Variants in NFAM1 observed in about 807,000 individuals in gnomAD.
NFAM1 encodes the protein NFAT activating protein with ITAM motif 1.
NFAM1 carries 17 observed loss-of-function variants against 29.0 expected under a neutral mutation model. The ratio of observed to expected loss-of-function variants is 0.59; its 90% CI spans 0.40 to 0.88. The LOEUF (loss-of-function observed/expected upper bound fraction) is 0.88, where lower values mean the gene tolerates loss of function less well. NFAM1 is among the 40% of genes least tolerant of loss of function. The probability of loss-of-function intolerance (pLI) is 0.00; values close to 1 mark genes in which losing one functional copy is unlikely to be tolerated. For missense variants in NFAM1, 324 were observed against 344.6 expected (o/e 0.94, Z 0.47); for synonymous variants, 175 against 147.2 (o/e 1.19, Z -1.36).
At chr22:42,400,151 C>T (rs1929678558) in intron 3 of NFAM1, among the ~76,000 whole-genome samples, 1 of 152,220 alleles carries the variant, frequency 6.6e-6, no homozygotes, top group Admixed American at 6.5e-5. Flanking sequence ...ATTGACGAGA[C>T]AGGAGCTGGA....
intron 1 of NFAM1, among the ~76,000 whole-genome samples, chr22:42,418,684 C>T (rs1212321296): frequency 6.6e-6 from 1 of 151,750 alleles, no homozygotes; most frequent in African/African-American, 2.4e-5. Flanking sequence ...CAAGAGCTAT[C>T]TCTGTTTTTT....
At chr22:42,389,696 GGGGCT>G (rs1929270768) in intron 4 of NFAM1, among the ~76,000 whole-genome samples, 1 of 150,764 alleles carries the variant, frequency 6.6e-6, no homozygotes, top group African/African-American at 2.4e-5. Flanking sequence ...GGCTGGGCTG[GGGGCT>G]GGGCTGGGCT....
intron 1 of NFAM1, among the ~76,000 whole-genome samples, chr22:42,429,706 C>T (rs906140390): frequency 3.3e-5 from 5 of 152,226 alleles, no homozygotes; most frequent in Admixed American, 2.6e-4. Flanking sequence ...TTCAGGGATA[C>T]GATGCAGAAT....
chr22:42,412,647 G>A (rs1395458546), intron 1 of NFAM1, among the ~76,000 whole-genome samples: 6 of 152,212 alleles, frequency 3.9e-5, no homozygotes, highest in African/African-American at 9.6e-5. Flanking sequence ...AAACCCAAGC[G>A]TTTCCTGGCG....
At chr22:42,417,293 G>C (rs1930292208) in intron 1 of NFAM1, among the ~76,000 whole-genome samples, 1 of 152,170 alleles carries the variant, frequency 6.6e-6, no homozygotes, top group African/African-American at 2.4e-5. Flanking sequence ...ATAGAACTTT[G>C]ACTTAGAGTG....
At chr22:42,418,149 C>T (rs552789405) in intron 1 of NFAM1, among the ~76,000 whole-genome samples, 1 of 152,314 alleles carries the variant, frequency 6.6e-6, no homozygotes, top group African/African-American at 2.4e-5. Context: ...TGGGAAAAGC[C>T]CAGGTTCTGG....
intron 3 of NFAM1, among the ~76,000 whole-genome samples, chr22:42,399,682 G>C (rs2147099144): frequency 6.6e-6 from 1 of 152,238 alleles, no homozygotes; most frequent in African/African-American, 2.4e-5. Flanking sequence ...GAAGGTGAAG[G>C]CTGGGGAGTC....
At chr22:42,406,166 C>A (rs1929890581) in intron 3 of NFAM1, among the ~76,000 whole-genome samples, 1 of 152,052 alleles carries the variant, frequency 6.6e-6, no homozygotes, top group South Asian at 2.1e-4. Context: ...GATCCAAATA[C>A]CCCCCGGCTC....
Position 42,409,535 on chromosome 22 carries a change from C to T in NFAM1, c.464G>A (p.Arg155Gln), listed in dbSNP as rs1314806415. 5 of 1,519,410 alleles carry T rather than the reference C, an allele frequency of 3.3e-6. No homozygotes were observed. The highest frequency in any genetic ancestry group is 4.4e-6 in the Non-Finnish European group (5 of 1,131,820). 94.1% of individuals were successfully genotyped at this position (1,519,410 alleles called of 1,614,324 possible). ...TFILVRDAGY[R>Q]EPPQSPQKLL... The stretch of plus-strand genomic sequence containing the variant: ...CTTCTGTGGACTCTGCGGGGGCTCT[C>T]GGTACCCTGCGTCTAGGAGGAAGCG... Residue 155 changes from arginine to glutamine, a missense_variant, in exon 3 of 6, where the codon CGA becomes CAA. By Grantham distance (43) the Arg-to-Gln change is conservative. Transcript: ENST00000329021. The surrounding 1 kb of genome is among the most constrained non-coding windows in gnomAD (Gnocchi z 4.9).
intron 1 of NFAM1, among the ~76,000 whole-genome samples, chr22:42,430,294 T>G (rs112348778): frequency 0.17 from 25,986 of 151,662 alleles, 2,324 homozygotes; most frequent in African/African-American, 0.2. Flanking sequence ...GCACAGTGGC[T>G]CACGCCTGTA....
intron 2 of NFAM1, among the ~76,000 whole-genome samples, chr22:42,410,868 C>T (rs142815977): frequency 6.6e-5 from 10 of 152,220 alleles, no homozygotes; most frequent in African/African-American, 2.2e-4. Context: ...CTGCCAGCGG[C>T]GTTCAGGAGC....
At chr22:42,435,400 T>C (rs1029285270), upstream of NFAM1, among the ~76,000 whole-genome samples, 7 of 150,674 alleles carry the variant, frequency 4.6e-5, no homozygotes, top group African/African-American at 2.4e-5. Flanking sequence ...CAGGCTGGAG[T>C]GCAATGGCGC....
chr22:42,402,907 C>G (rs2147101493), intron 3 of NFAM1, among the ~76,000 whole-genome samples: 1 of 142,878 alleles, frequency 7.0e-6, no homozygotes, highest in Non-Finnish European at 1.5e-5. Flanking sequence ...GCAATCCAGG[C>G]TCACTGCATC....
chr22:42,429,152 C>A (rs1021791362), intron 1 of NFAM1, among the ~76,000 whole-genome samples: 1 of 152,154 alleles, frequency 6.6e-6, no homozygotes, highest in African/African-American at 2.4e-5. Context: ...ATGGCTCTGG[C>A]GAGGCTGGCA....
intron 3 of NFAM1, among the ~76,000 whole-genome samples, chr22:42,405,953 C>T (rs984084312): frequency 3.9e-5 from 6 of 152,114 alleles, no homozygotes; most frequent in African/African-American, 7.2e-5. Flanking sequence ...GGGTGAAAGG[C>T]GCCAAGCTCA....
intron 1 of NFAM1, among the ~76,000 whole-genome samples, chr22:42,430,965 G>A (rs183145022): frequency 1.4e-4 from 22 of 152,342 alleles, no homozygotes; most frequent in African/African-American, 3.8e-4. Flanking sequence ...GGGGCGAGGC[G>A]TGCACAGGAT....
chr22:42,396,652 C>T lies in NFAM1; in HGVS notation c.663+1206G>A, dbSNP rs548645374. On this transcript the variant is annotated intron_variant, in intron 4 of 5. Coordinates refer to ENST00000329021, the MANE Select transcript of NFAM1 (RefSeq NM_145912.8). ...ACAGGAGAGAGTATGAGGAAGTCTCCGGCCACGTGCAAAACCGTGGCTGAC... is the reference window on the plus strand; with the variant it reads ...ACAGGAGAGAGTATGAGGAAGTCTCTGGCCACGTGCAAAACCGTGGCTGAC... Among the ~76,000 whole-genome samples, 23 of 152,224 alleles carry T rather than the reference C, an allele frequency of 1.5e-4. No individual in the cohort carries two copies. The South Asian group carries it at 3.7e-3, about 25-fold the overall frequency.
intron 3 of NFAM1, among the ~76,000 whole-genome samples, chr22:42,404,992 T>C (rs1372685156): frequency 3.3e-5 from 5 of 152,130 alleles, no homozygotes; most frequent in Non-Finnish European, 7.4e-5. Flanking sequence ...TTTCACCCTG[T>C]TGGCACTTAG....
intron 3 of NFAM1, among the ~76,000 whole-genome samples, chr22:42,400,222 G>A (rs1379618711): frequency 6.6e-6 from 1 of 152,230 alleles, no homozygotes; most frequent in Non-Finnish European, 1.5e-5. Context: ...CAGTGCTGGC[G>A]TCTGTGTAGC....
Sources: gnomAD v4.1 joint callset for allele counts (sites outside exome capture counted in the v4.1 genomes callset) on GRCh38, gnomAD v4.1.1 for gene constraint, Gnocchi (gnomAD v3.1) non-coding constraint, MANE v1.5 for transcripts, NCBI Gene and HGNC (gene_info 2026-07-23, HGNC 2026-07-21) for gene names.